Variants in EPB41 observed in about 807,000 individuals in gnomAD.
The protein encoded by EPB41 is erythrocyte membrane protein band 4.1.
In EPB41, 65 loss-of-function variants were observed where a neutral mutation model predicts 108.0. The observed-to-expected ratio is 0.60, with a 90% CI of 0.49 to 0.74. The LOEUF is 0.74. Ranked by LOEUF, EPB41 falls within the 30% of genes least tolerant of loss-of-function variation. The pLI is 0.00. For missense variants in EPB41, 875 were observed against 1,037.0 expected, an observed-to-expected ratio of 0.84 and a Z score of 2.15; for synonymous variants, 336 against 358.9, an observed-to-expected ratio of 0.94 and a Z score of 0.72.
chr1:29,039,322 G>T lies in EPB41; in HGVS notation c.1532G>T (p.Gly511Val). 1 of 1,614,066 alleles carries T rather than the reference G, an allele frequency of 6.2e-7. No homozygotes were observed. The highest frequency in any genetic ancestry group is 8.5e-7 in the Non-Finnish European group (1 of 1,180,018). ...CTAGGATCCAAATTTCGATACAGTG[G>T]CCGGACTCAAGCTCAGACCAGGCAA... ...LALGSKFRYS[G>V]RTQAQTRQAS... Residue 511 changes from glycine (G) to valine (V), a missense_variant, in exon 11 of 21, where the codon GGC (glycine) becomes GTC (valine). Gly to Val is a moderately radical substitution (Grantham distance 109). This residue lies in a region of EPB41 where 519 missense variants were observed against 627.3 expected (regional missense o/e 0.83). Coordinates refer to ENST00000343067, the MANE Select transcript of EPB41 (RefSeq NM_001376013.1).
chr1:29,098,041 G>T, intron 17 of EPB41, 106 bp downstream of exon 17: 2 of 1,515,270 alleles, frequency 1.3e-6, no homozygotes, highest in East Asian at 2.3e-5. Flanking sequence ...AGGTTTTTCT[G>T]GGGCAGTTCT....
At chr1:28,987,998 C>T (rs113709906) in intron 2 of EPB41, 93 bp downstream of exon 2, 1 of 1,349,840 alleles carries the variant, frequency 7.4e-7, no homozygotes, top group Non-Finnish European at 1.1e-6. Flanking sequence ...CGCGGTGGCT[C>T]ATGCCTGTAA....
chr1:28,974,171 G>T (rs1266364184), intron 1 of EPB41, among the ~76,000 whole-genome samples: 1 of 152,154 alleles, frequency 6.6e-6, no homozygotes, highest in African/African-American at 2.4e-5. Flanking sequence ...GATTTAAGAT[G>T]CAATATAAAT....
intron 1 of EPB41, among the ~76,000 whole-genome samples, chr1:28,964,960 C>G (rs1390591621): frequency 6.6e-6 from 1 of 152,158 alleles, no homozygotes; most frequent in Non-Finnish European, 1.5e-5. Flanking sequence ...CTCTGCTCTG[C>G]TTATTCTCTG....
rs1385462514 is a variant in EPB41 at position 29,107,859 on chromosome 1, A to AAT, written c.2314-1476_2314-1475insTA. Among the ~76,000 whole-genome samples, 57 of 148,124 alleles carry AAT rather than the reference A, an allele frequency of 3.8e-4. 1 individual carries two copies. The highest frequency in any genetic ancestry group is 1.4e-3 in the African/African-American group (56 of 40,358). ...GAAGCGAAACTCCATCTCAAAAAAA[A>AAT]AAAAAAAAAAAATACAAAAATTAGC... On this transcript the variant is annotated intron_variant, in intron 17 of 20. Coordinates refer to ENST00000343067, the MANE Select transcript of EPB41 (RefSeq NM_001376013.1).
At chr1:29,084,639 CAG>C (rs1658049075) in intron 16 of EPB41, among the ~76,000 whole-genome samples, 3 of 152,130 alleles carry the variant, frequency 2.0e-5, no homozygotes, top group Admixed American at 2.0e-4. Flanking sequence ...AGGCTAGAAA[CAG>C]TAATAAATCT....
intron 16 of EPB41, among the ~76,000 whole-genome samples, chr1:29,090,032 G>A (rs1428774002): frequency 6.6e-6 from 1 of 152,196 alleles, no homozygotes; most frequent in Admixed American, 6.5e-5. Flanking sequence ...GGGAGGCTAT[G>A]GTGGGCAGAT....
intron 4 of EPB41, among the ~76,000 whole-genome samples, chr1:29,006,849 G>A (rs1356811458): frequency 6.6e-6 from 1 of 151,388 alleles, no homozygotes; most frequent in East Asian, 1.9e-4. Flanking sequence ...GCAGTCAGCC[G>A]AGATTGTGCC....
intron 14 of EPB41, 131 bp downstream of exon 14, chr1:29,058,983 A>C: frequency 1.1e-6 from 1 of 887,966 alleles, no homozygotes; most frequent in South Asian, 1.6e-5. Flanking sequence ...AGTTTCAAAT[A>C]ATGGATATGG....
intron 16 of EPB41, among the ~76,000 whole-genome samples, chr1:29,067,804 C>A (rs940531560): frequency 6.6e-6 from 1 of 152,082 alleles, no homozygotes; most frequent in Admixed American, 6.6e-5. Context: ...TAATGGGCAG[C>A]TAAATAGAGT....
At chr1:29,044,288 T>C (rs1322893971) in intron 11 of EPB41, among the ~76,000 whole-genome samples, 1 of 152,226 alleles carries the variant, frequency 6.6e-6, no homozygotes, top group Non-Finnish European at 1.5e-5. Flanking sequence ...GTCTGTCTGA[T>C]AGCATGTTCC....
intron 16 of EPB41, among the ~76,000 whole-genome samples, chr1:29,082,141 T>G (rs1301702398): frequency 1.3e-5 from 2 of 152,224 alleles, no homozygotes; most frequent in Non-Finnish European, 2.9e-5. Context: ...TGTTTCGTTT[T>G]TGAGACGGAG....
Position 29,011,880 on chromosome 1 carries a change from G to A in EPB41, c.802G>A (p.Ala268Thr), listed in dbSNP as rs749554752. 61 of 1,613,886 alleles carry A rather than the reference G, an allele frequency of 3.8e-5. No individual in the cohort carries two copies. The highest frequency in any genetic ancestry group is 4.7e-5 in the Non-Finnish European group (55 of 1,179,964). Residue 268 changes from alanine to threonine, a missense_variant, in exon 5 of 21, where the codon GCC (alanine) becomes ACC (threonine). Around this residue, in one of 3 missense-constraint regions of EPB41, gnomAD observed 353 missense variants for 393.2 expected, o/e 0.90. Coordinates refer to ENST00000343067, the MANE Select transcript of EPB41 (RefSeq NM_001376013.1). The part of the protein sequence containing the change: ...NATSKTWLDS[A>T]KEIKKQVRGV... ...CTTTTTACAGACATGGCTGGATTCCGCCAAAGAAATAAAAAAGCAGGTTCG... is the reference window on the plus strand; with the variant it reads ...CTTTTTACAGACATGGCTGGATTCCACCAAAGAAATAAAAAAGCAGGTTCG...
rs772364052 is a variant in EPB41, at chr1:29,053,365, T to C, written c.1845+53T>C. 142 of 1,597,500 alleles carry C rather than the reference T, an allele frequency of 8.9e-5. 4 individuals carry two copies. Among genetic ancestry groups the C allele is most frequent in the South Asian group, 8.0e-4 (72 of 90,516 alleles). ...AACTCACTTTCTGATTTAGAGGCCT[T>C]AACTTTTTGACCAGGAACGTTTTCA... On this transcript the variant is annotated intron_variant, in intron 12 of 20. Transcript: ENST00000343067.
At chr1:28,981,330 A>G (rs1244779750) in intron 1 of EPB41, among the ~76,000 whole-genome samples, 2 of 152,250 alleles carry the variant, frequency 1.3e-5, no homozygotes, top group African/African-American at 2.4e-5. Flanking sequence ...ATGTCCATGT[A>G]TGTCGAATCA....
chr1:29,041,757 A>T (rs1046763375), intron 11 of EPB41, among the ~76,000 whole-genome samples: 1 of 152,196 alleles, frequency 6.6e-6, no homozygotes, highest in African/African-American at 2.4e-5. Context: ...TTCTGGAATC[A>T]GACAGACCTG....
Position 29,010,102 on chromosome 1 carries a change from C to T in EPB41, c.787-1763C>T, listed in dbSNP as rs181727930. Among the ~76,000 whole-genome samples the T allele has an allele frequency of 4.6e-3, 697 of 152,076 alleles. 7 individuals are homozygous for T. The highest frequency in any genetic ancestry group is 0.015 in the African/African-American group (640 of 41,472). On this transcript the variant is annotated intron_variant, in intron 4 of 20. Coordinates refer to ENST00000343067, the MANE Select transcript of EPB41 (RefSeq NM_001376013.1). ...CTGTAATCTCAGCACTTTGGGAGGC[C>T]GAGGTGGGCAGATCACTTGAGGCCA...
At chr1:29,090,607 G>A (rs1660839879) in intron 16 of EPB41, among the ~76,000 whole-genome samples, 2 of 152,126 alleles carry the variant, frequency 1.3e-5, no homozygotes, top group Admixed American at 6.6e-5. Context: ...AAAATTAGCC[G>A]GGCGCGATGG....
At chr1:29,044,730 A>G (rs1186426317) in intron 11 of EPB41, among the ~76,000 whole-genome samples, 3 of 152,106 alleles carry the variant, frequency 2.0e-5, no homozygotes, top group African/African-American at 7.2e-5. Context: ...CACATGCCTG[A>G]ATTCCCAGCT....
Sources: allele counts gnomAD v4.1 joint callset (sites outside exome capture counted in the v4.1 genomes callset), GRCh38; gene constraint gnomAD v4.1.1; regional missense constraint gnomAD v4.1.1; transcripts MANE v1.5; gene names NCBI Gene and HGNC (gene_info 2026-07-23, HGNC 2026-07-21).